MYO6: variants seen among roughly 807,000 people sequenced by gnomAD.
MYO6 encodes the protein unconventional myosin-VI.
Under a neutral mutation model 178.7 loss-of-function variants are expected in MYO6, and 74 were observed. The ratio of observed to expected loss-of-function variants is 0.41; its 90% confidence interval spans 0.34 to 0.50. MYO6 has a LOEUF of 0.50. MYO6 is among the 20% of genes least tolerant of loss of function. The pLI, the probability that MYO6 is intolerant of heterozygous loss-of-function variation, is 0.09. For missense variants in MYO6, 1,330 were observed against 1,547.4 expected, an observed-to-expected ratio of 0.86 and a Z score of 2.36; for synonymous variants, 477 against 504.6, an observed-to-expected ratio of 0.95 and a Z score of 0.73.
At chr6:75,840,726 T>A in intron 8 of MYO6, 44 bp downstream of exon 8, 1 of 1,432,640 alleles carries the variant, frequency 7.0e-7, no homozygotes, top group Non-Finnish European at 9.8e-7. Flanking sequence ...GGGGAGTGTT[T>A]GTGAAAATGC....
chr6:75,751,506 T>C (rs574730838), intron 1 of MYO6, among the ~76,000 whole-genome samples: 45 of 152,354 alleles, frequency 3.0e-4, no homozygotes, highest in African/African-American at 1.1e-3. Flanking sequence ...CAATATTTAA[T>C]GTAAATTAAT....
chr6:75,913,371 A>G (rs1400213573), intron 33 of MYO6, among the ~76,000 whole-genome samples: 1 of 152,234 alleles, frequency 6.6e-6, no homozygotes, highest in Non-Finnish European at 1.5e-5. Context: ...ATCAAATGTT[A>G]CATACTTTGC....
At chr6:75,761,693 G>T (rs1323650434) in intron 1 of MYO6, among the ~76,000 whole-genome samples, 1 of 151,308 alleles carries the variant, frequency 6.6e-6, no homozygotes, top group Non-Finnish European at 1.5e-5. Context: ...ATTTATTAAA[G>T]GTGTGTTTCT....
intron 1 of MYO6, among the ~76,000 whole-genome samples, chr6:75,784,709 G>A (rs371427904): frequency 2.0e-4 from 30 of 148,252 alleles, no homozygotes; most frequent in Non-Finnish European, 4.0e-4. Context: ...CCCGGGAGGC[G>A]GAGCTTGCAG....
At chr6:75,801,463 A>T (rs1769447857) in intron 1 of MYO6, among the ~76,000 whole-genome samples, 1 of 152,108 alleles carries the variant, frequency 6.6e-6, no homozygotes, top group Admixed American at 6.5e-5. Context: ...TTAGTAACAG[A>T]ATGAAAGGAA....
intron 16 of MYO6, among the ~76,000 whole-genome samples, chr6:75,863,847 T>A (rs1007008998): frequency 1.3e-5 from 2 of 152,130 alleles, no homozygotes; most frequent in Admixed American, 1.3e-4. Flanking sequence ...TTAGAGCCAT[T>A]TTCCATGAGG....
At chr6:75,788,545 A>G (rs1236764925) in intron 1 of MYO6, among the ~76,000 whole-genome samples, 3 of 152,112 alleles carry the variant, frequency 2.0e-5, no homozygotes, top group African/African-American at 7.2e-5. Flanking sequence ...TGTTCTCCCC[A>G]CTAAACTGAA....
chr6:75,790,994 G>T (rs1768171647), intron 1 of MYO6, among the ~76,000 whole-genome samples: 1 of 152,064 alleles, frequency 6.6e-6, no homozygotes, highest in East Asian at 1.9e-4. Flanking sequence ...AGTGCAGTGG[G>T]TCAATGTCGG....
At chr6:75,800,385 T>G (rs1769329756) in intron 1 of MYO6, among the ~76,000 whole-genome samples, 1 of 152,150 alleles carries the variant, frequency 6.6e-6, no homozygotes, top group South Asian at 2.1e-4. Flanking sequence ...CAAGTGGATG[T>G]CCTTAATGTA....
intron 30 of MYO6, among the ~76,000 whole-genome samples, chr6:75,902,878 C>T (rs1211463826): frequency 3.3e-5 from 5 of 151,548 alleles, no homozygotes; most frequent in Non-Finnish European, 5.9e-5. Flanking sequence ...TATAAATTTC[C>T]CTCTACACAC....
chr6:75,807,912 G>C (rs1226434928), intron 1 of MYO6, among the ~76,000 whole-genome samples: 1 of 152,080 alleles, frequency 6.6e-6, no homozygotes, highest in Non-Finnish European at 1.5e-5. Context: ...CAAACCAGTA[G>C]GTTTTAGCCT....
At chr6:75,897,030 A>G (rs1219986053) in intron 29 of MYO6, among the ~76,000 whole-genome samples, 1 of 152,226 alleles carries the variant, frequency 6.6e-6, no homozygotes, top group Non-Finnish European at 1.5e-5. Context: ...AGGATAATGC[A>G]TCAGTAGAGA....
At chr6:75,789,403 C>G (rs1463203935) in intron 1 of MYO6, among the ~76,000 whole-genome samples, 2 of 152,134 alleles carry the variant, frequency 1.3e-5, no homozygotes, top group Non-Finnish European at 2.9e-5. Context: ...TATGTCATAG[C>G]TTTTCATGGT....
At chr6:75,791,166 C>T (rs893829724) in intron 1 of MYO6, among the ~76,000 whole-genome samples, 10 of 152,164 alleles carry the variant, frequency 6.6e-5, no homozygotes, top group Non-Finnish European at 1.2e-4. Flanking sequence ...ATCTCCTGAC[C>T]TCGTGATCCA....
intron 2 of MYO6, 144 bp from the exon 3 acceptor site, chr6:75,822,638 C>T (rs1772010524): frequency 4.6e-6 from 3 of 647,678 alleles, no homozygotes; most frequent in South Asian, 1.7e-5. Flanking sequence ...GGGTTAATGA[C>T]TTGTTAAATA....
At chr6:75,904,990 G>T (rs900177626) in intron 30 of MYO6, among the ~76,000 whole-genome samples, 14 of 152,190 alleles carry the variant, frequency 9.2e-5, no homozygotes, top group African/African-American at 3.4e-4. Context: ...CCGGCCGTGT[G>T]AGGTGTCAGT....
At chr6:75,798,576 C>A (rs560669273) in intron 1 of MYO6, among the ~76,000 whole-genome samples, 1 of 152,306 alleles carries the variant, frequency 6.6e-6, no homozygotes, top group African/African-American at 2.4e-5. Context: ...AGCATCCCTT[C>A]ATAATAAAAA....
At chr6:75,903,861 G>T (rs1361568595) in intron 30 of MYO6, among the ~76,000 whole-genome samples, 4 of 151,736 alleles carry the variant, frequency 2.6e-5, no homozygotes, top group Non-Finnish European at 4.4e-5. Context: ...TGCAGCGGCT[G>T]GTACCGGTTG....
intron 1 of MYO6, among the ~76,000 whole-genome samples, chr6:75,797,385 G>A (rs2748964): frequency 0.32 from 49,036 of 152,060 alleles, 9,209 homozygotes; most frequent in Admixed American, 0.48. Flanking sequence ...GAGCCACTGC[G>A]TCCAGTGTGT....
Sources: gnomAD v4.1 joint callset for allele counts (sites outside exome capture counted in the v4.1 genomes callset) on GRCh38, gnomAD v4.1.1 for gene constraint, MANE v1.5 for transcripts, NCBI Gene and HGNC (gene_info 2026-07-23, HGNC 2026-07-21) for gene names.